PHACTR1: variants seen among roughly 807,000 people sequenced by gnomAD.
The protein encoded by PHACTR1 is phosphatase and actin regulator 1.
A neutral mutation model predicts 69.2 loss-of-function variants in PHACTR1; 16 were observed. The ratio of observed to expected loss-of-function variants is 0.23; its 90% CI spans 0.16 to 0.35. PHACTR1 has a LOEUF of 0.35. Among genes scored for constraint, PHACTR1 ranks in the 10% least tolerant of loss-of-function variants. PHACTR1 has a pLI of 1.00. For missense variants in PHACTR1, 510 were observed against 734.7 expected, an observed-to-expected ratio of 0.69 and a Z score of 3.54; for synonymous variants, 312 against 284.5, an observed-to-expected ratio of 1.10 and a Z score of -0.97.
chr6:13,018,750 C>G (rs947203938), intron 4 of PHACTR1, among the ~76,000 whole-genome samples: 2 of 152,208 alleles, frequency 1.3e-5, no homozygotes, highest in Non-Finnish European at 2.9e-5. Context: ...GGAAAAGCCT[C>G]TTTCAGTTTC....
At chr6:13,247,764 G>A (rs1773795735) in intron 10 of PHACTR1, among the ~76,000 whole-genome samples, 1 of 152,166 alleles carries the variant, frequency 6.6e-6, no homozygotes, top group Admixed American at 6.5e-5. Flanking sequence ...TGAAGCTAGA[G>A]AATCACTTGA....
intron 4 of PHACTR1, among the ~76,000 whole-genome samples, chr6:12,917,958 A>G (rs1028731552): frequency 6.6e-6 from 1 of 152,176 alleles, no homozygotes; most frequent in Non-Finnish European, 1.5e-5. Flanking sequence ...AATGGTAACT[A>G]AAAAGAACCA....
chr6:12,907,315 T>C (rs1417447716), intron 4 of PHACTR1, among the ~76,000 whole-genome samples: 2 of 152,240 alleles, frequency 1.3e-5, no homozygotes, highest in African/African-American at 2.4e-5. Context: ...TTGAGGTTTT[T>C]ATTTCTCCAG....
At chr6:13,167,416 G>A (rs1035918769) in intron 6 of PHACTR1, among the ~76,000 whole-genome samples, 12 of 152,160 alleles carry the variant, frequency 7.9e-5, no homozygotes, top group African/African-American at 2.7e-4. Flanking sequence ...GGGAGGATGG[G>A]GAGGGAAAAG....
Position 12,839,901 on chromosome 6 carries a change from A to G in PHACTR1, c.250+90111A>G, listed in dbSNP as rs183681113. Among the ~76,000 whole-genome samples the G allele has an allele frequency of 3.7e-3, 560 of 152,266 alleles. 5 individuals are homozygous for G. The highest frequency in any genetic ancestry group is 6.1e-3 in the Admixed American group (94 of 15,290). On this transcript the variant is annotated intron_variant, in intron 4 of 14. Transcript: ENST00000332995. Reference sequence around the variant, plus strand: ...AGAGCGAACACGGCCATAAAGCAAGAACAGAGGATCATTGACTTATACTTT... The same window carrying G: ...AGAGCGAACACGGCCATAAAGCAAGGACAGAGGATCATTGACTTATACTTT...
At chr6:12,901,490 G>T (rs115730493) in intron 4 of PHACTR1, among the ~76,000 whole-genome samples, 1 of 152,062 alleles carries the variant, frequency 6.6e-6, no homozygotes, top group Admixed American at 6.6e-5. Context: ...TGGATTTCAC[G>T]CATTTTTTGG....
rs148252206 is a variant in PHACTR1 at position 13,286,996 on chromosome 6, G to T, written c.1728-67G>T. On this transcript the variant is annotated intron_variant, in intron 14 of 14. Transcript: ENST00000332995. ...GTCAAGAACCTCCCTGAAGATGGGA[G>T]ATTGGACTGTTGAATCCTGCACCTT... 64 of 1,554,776 alleles carry T rather than the reference G, an allele frequency of 4.1e-5. No individual in the cohort carries two copies. In the East Asian group the frequency reaches 1.3e-3, roughly 32 times the overall value.
intron 8 of PHACTR1, among the ~76,000 whole-genome samples, chr6:13,209,309 T>G (rs115110044): frequency 6.6e-6 from 1 of 152,236 alleles, no homozygotes; most frequent in Non-Finnish European, 1.5e-5. Flanking sequence ...CAACATGATT[T>G]CATTCTTGTT....
chr6:12,761,647 G>A (rs1768028665), intron 4 of PHACTR1, among the ~76,000 whole-genome samples: 1 of 152,178 alleles, frequency 6.6e-6, no homozygotes. Context: ...TTGCCACGTA[G>A]GCTGCTAGTC....
intron 5 of PHACTR1, among the ~76,000 whole-genome samples, chr6:13,056,844 G>C (rs1475104434): frequency 6.6e-6 from 1 of 152,214 alleles, no homozygotes; most frequent in Non-Finnish European, 1.5e-5. Context: ...AGATGGTGGG[G>C]ACTGAGGAAC....
At chr6:12,723,392 C>G (rs1006776615) in intron 3 of PHACTR1, among the ~76,000 whole-genome samples, 2 of 151,464 alleles carry the variant, frequency 1.3e-5, no homozygotes, top group Non-Finnish European at 2.9e-5. Context: ...TGCATTTTAA[C>G]AAAATCTCCA....
intron 4 of PHACTR1, among the ~76,000 whole-genome samples, chr6:12,841,512 T>C (rs534634948): frequency 6.6e-6 from 1 of 152,318 alleles, no homozygotes; most frequent in South Asian, 2.1e-4. Context: ...GAATTGAGCA[T>C]CAGATATCAA....
At chr6:12,729,147 C>T (rs1246489108) in intron 3 of PHACTR1, among the ~76,000 whole-genome samples, 1 of 152,200 alleles carries the variant, frequency 6.6e-6, no homozygotes, top group Non-Finnish European at 1.5e-5. Flanking sequence ...GATGCCATTT[C>T]TTTCCGATTC....
At chr6:12,970,832 T>C (rs1460993378) in intron 4 of PHACTR1, among the ~76,000 whole-genome samples, 1 of 152,216 alleles carries the variant, frequency 6.6e-6, no homozygotes, top group African/African-American at 2.4e-5. Flanking sequence ...GATGACAGGC[T>C]CTAATTAAAC....
At chr6:12,844,161 G>A (rs1778966858) in intron 4 of PHACTR1, among the ~76,000 whole-genome samples, 2 of 152,170 alleles carry the variant, frequency 1.3e-5, no homozygotes, top group Admixed American at 1.3e-4. Flanking sequence ...TTGAGAGCCT[G>A]AGGCAGGATA....
intron 4 of PHACTR1, among the ~76,000 whole-genome samples, chr6:12,756,382 A>G (rs1767322778): frequency 6.6e-6 from 1 of 152,222 alleles, no homozygotes; most frequent in Non-Finnish European, 1.5e-5. Flanking sequence ...GGTAGGTGCT[A>G]AAGTGGATGT....
intron 4 of PHACTR1, among the ~76,000 whole-genome samples, chr6:12,973,651 T>C (rs1794496929): frequency 6.6e-6 from 1 of 152,192 alleles, no homozygotes; most frequent in South Asian, 2.1e-4. Context: ...ATCCGTGTTA[T>C]CTATTTTGCT....
intron 7 of PHACTR1, among the ~76,000 whole-genome samples, chr6:13,198,273 T>C (rs572900885): frequency 3.7e-4 from 57 of 152,106 alleles, no homozygotes; most frequent in African/African-American, 1.2e-3. Context: ...ATGAAAGGGA[T>C]TGAATTGACT....
rs149346069 is a variant in PHACTR1 at position 13,036,518 on chromosome 6, T to C, written c.251-16847T>C. On this transcript the variant is annotated intron_variant, in intron 4 of 14. Transcript: ENST00000332995. Reference sequence around the variant, plus strand: ...GTTGTGATGTCACTCTTCAATAATATGTCAAATATGACCAAAATTAGCAAA... The same window carrying C: ...GTTGTGATGTCACTCTTCAATAATACGTCAAATATGACCAAAATTAGCAAA... Among the ~76,000 whole-genome samples the C allele has an allele frequency of 4.4e-4, 67 of 152,334 alleles. No individual in the cohort carries two copies. In the East Asian group the frequency reaches 0.012, roughly 28 times the overall value.
Sources: gnomAD v4.1 joint callset for allele counts (sites outside exome capture counted in the v4.1 genomes callset) on GRCh38, gnomAD v4.1.1 for gene constraint, MANE v1.5 for transcripts, NCBI Gene and HGNC (gene_info 2026-07-23, HGNC 2026-07-21) for gene names.